Variants in ATG7 observed in about 807,000 individuals in gnomAD.
ATG7 encodes autophagy related 7, also known as ubiquitin-like modifier-activating enzyme ATG7.
ATG7 carries 70 observed loss-of-function variants against 82.4 expected under a neutral mutation model. The observed-to-expected ratio is 0.85, with a 90% CI of 0.70 to 1.04. The LOEUF is 1.04. ATG7 is among the 50% of genes least tolerant of loss of function. The pLI, the probability that ATG7 is intolerant of heterozygous loss-of-function variation, is 0.00. For missense variants in ATG7, 792 were observed against 864.3 expected (o/e 0.92, Z 1.05); for synonymous variants, 287 against 313.0 (o/e 0.92, Z 0.88).
chr3:11,277,891 A>ACCCCC (rs71626995), intron 1 of ATG7, among the ~76,000 whole-genome samples: 655 of 60,746 alleles, frequency 0.011, 30 homozygotes, highest in Admixed American at 0.014. Flanking sequence ...CCCTTTATAG[A>ACCCCC]CCCCCCCCCC....
At chr3:11,389,163 G>A (rs1426114850) in intron 19 of ATG7, among the ~76,000 whole-genome samples, 1 of 149,272 alleles carries the variant, frequency 6.7e-6, no homozygotes, top group African/African-American at 2.5e-5. Context: ...AACCCAGGAG[G>A]TGGAGGTTGC....
At chr3:11,315,322 A>T (rs1949249919) in intron 8 of ATG7, 22 bp from the exon 9 acceptor site, 7 of 1,531,130 alleles carry the variant, frequency 4.6e-6, no homozygotes, top group Non-Finnish European at 5.3e-6. Flanking sequence ...CTAGAGAATA[A>T]CAACGTGTTT....
chr3:11,462,599 A>T (rs2086421200), intron 20 of ATG7, among the ~76,000 whole-genome samples: 1 of 152,066 alleles, frequency 6.6e-6, no homozygotes, highest in African/African-American at 2.4e-5. Context: ...GGGATGATGA[A>T]AGCAGAGGAA....
intron 20 of ATG7, among the ~76,000 whole-genome samples, chr3:11,451,785 CAAA>C (rs376573903): frequency 7.7e-6 from 1 of 129,576 alleles, no homozygotes. Flanking sequence ...TTTATAGTCT[CAAA>C]AAAAAAAAAA....
chr3:11,278,101 T>C (rs897241549), intron 1 of ATG7, among the ~76,000 whole-genome samples: 3 of 152,178 alleles, frequency 2.0e-5, no homozygotes, highest in Non-Finnish European at 4.4e-5. Flanking sequence ...ATCACTGTTA[T>C]TCTGTTCTTT....
At chr3:11,299,233 A>G in intron 4 of ATG7, 129 bp from the exon 5 acceptor site, 1 of 839,376 alleles carries the variant, frequency 1.2e-6, no homozygotes, top group East Asian at 2.5e-5. Flanking sequence ...TCTATGTAGC[A>G]TAGATAATCA....
chr3:11,533,117 G>A (rs1482543105), intron 20 of ATG7, among the ~76,000 whole-genome samples: 1 of 152,216 alleles, frequency 6.6e-6, no homozygotes, highest in African/African-American at 2.4e-5. Flanking sequence ...GGAGGGTTCA[G>A]TGGGCAGTGC....
chr3:11,468,643 A>G (rs1030144075), intron 20 of ATG7, among the ~76,000 whole-genome samples: 3 of 151,832 alleles, frequency 2.0e-5, no homozygotes, highest in African/African-American at 7.3e-5. Flanking sequence ...AGAAAGAGGA[A>G]CTCTTGATCC....
intron 20 of ATG7, among the ~76,000 whole-genome samples, chr3:11,495,489 C>T (rs947618453): frequency 3.9e-5 from 6 of 152,144 alleles, no homozygotes; most frequent in African/African-American, 1.2e-4. Context: ...CAGCAACTCC[C>T]TGCGCTGTTG....
At chr3:11,353,724 G>T (rs2075733520) in intron 14 of ATG7, among the ~76,000 whole-genome samples, 1 of 152,172 alleles carries the variant, frequency 6.6e-6, no homozygotes, top group Non-Finnish European at 1.5e-5. Flanking sequence ...CTTGCCATGT[G>T]ATGCATCTGA....
rs997601405 is a variant in ATG7 at position 11,347,898 on chromosome 3, A to C, written c.1147A>C (p.Thr383Pro). 9.3e-6 allele frequency: 15 copies of C among 1,613,962 alleles called. No homozygotes were observed. In the Admixed American group the frequency reaches 1.8e-4, roughly 20 times the overall value. The part of the protein sequence containing the change: ...TLMGWGVRHI[T>P]FVDNAKISYS... ...ACAGGGTTGGGGCGTGAGACACATC[A>C]CATTTGTGGACAATGCCAAGATCTC... The change falls in exon 14 of 21, where the codon ACA becomes CCA. Residue 383 changes from threonine to proline, a missense_variant. By Grantham distance (38) the Thr-to-Pro change is conservative. Transcript: ENST00000693202.
chr3:11,390,653 A>G (rs1575986959), intron 19 of ATG7, among the ~76,000 whole-genome samples: 1 of 137,106 alleles, frequency 7.3e-6, no homozygotes. Flanking sequence ...TAACTTTTTG[A>G]CCTTTGTGGG....
intron 5 of ATG7, among the ~76,000 whole-genome samples, chr3:11,302,716 A>G (rs1482878117): frequency 6.6e-6 from 1 of 152,214 alleles, no homozygotes; most frequent in East Asian, 1.9e-4. Flanking sequence ...TACAGACAGG[A>G]ATGACATACA....
chr3:11,575,638 G>A, the ATG7 span, among the ~76,000 whole-genome samples: 7 of 152,350 alleles, frequency 4.6e-5, no homozygotes, highest in Non-Finnish European at 7.3e-5. Flanking sequence ...CCAGACACCA[G>A]CCTTAGGAGA....
intron 13 of ATG7, among the ~76,000 whole-genome samples, chr3:11,342,701 A>C (rs907792225): frequency 4.6e-5 from 7 of 152,054 alleles, no homozygotes; most frequent in African/African-American, 1.4e-4. Flanking sequence ...TTTCCATAGT[A>C]TGTATGTGTA....
chr3:11,343,578 T>A (rs1342809610), intron 13 of ATG7, among the ~76,000 whole-genome samples: 1 of 152,174 alleles, frequency 6.6e-6, no homozygotes, highest in East Asian at 1.9e-4. Context: ...AGCTTTATGT[T>A]ATTATATGTG....
In ATG7 at chr3:11,309,006, G is replaced by C. The variant is rs764574046; in HGVS notation, c.356G>C (p.Gly119Ala). 4.5e-5 allele frequency: 73 copies of C among 1,613,984 alleles called. No homozygotes were observed. Among genetic ancestry groups the C allele is most frequent in the Non-Finnish European group, 6.0e-5 (71 of 1,179,874 alleles). ...ANEIWESIKS[G>A]TALENPVLLN... ...CAGATATGGGAATCCATAAAATCAGGCACTGCTCTTGAAAACCCTGTACTC... is the reference window on the plus strand; with the variant it reads ...CAGATATGGGAATCCATAAAATCAGCCACTGCTCTTGAAAACCCTGTACTC... Residue 119 changes from glycine to alanine, a missense_variant, in exon 7 of 21, where the codon GGC becomes GCC. Gly to Ala is a moderately conservative substitution (Grantham distance 60). Coordinates refer to ENST00000693202, the MANE Select transcript of ATG7 (RefSeq NM_001349232.2).
At chr3:11,472,191 A>G (rs2087619329) in intron 20 of ATG7, among the ~76,000 whole-genome samples, 1 of 152,190 alleles carries the variant, frequency 6.6e-6, no homozygotes, top group Non-Finnish European at 1.5e-5. Flanking sequence ...TGTAACCTCC[A>G]CTAGATCCAA....
chr3:11,544,424 C>A (rs895587544), intron 20 of ATG7, among the ~76,000 whole-genome samples: 3 of 152,240 alleles, frequency 2.0e-5, no homozygotes, highest in African/African-American at 7.2e-5. Flanking sequence ...AGCCCCAATC[C>A]TGCCTGGGGC....
Sources: gnomAD v4.1 joint callset for allele counts (sites outside exome capture counted in the v4.1 genomes callset) on GRCh38, gnomAD v4.1.1 for gene constraint, MANE v1.5 for transcripts, NCBI Gene and HGNC (gene_info 2026-07-23, HGNC 2026-07-21) for gene names.